The following USP25 variants were observed in gnomAD, a reference collection of about 807,000 sequenced individuals.
The protein encoded by USP25 is ubiquitin carboxyl-terminal hydrolase 25.
A neutral mutation model predicts 158.5 loss-of-function variants in USP25; 85 were observed. The observed-to-expected ratio is 0.54, with a 90% CI of 0.45 to 0.64. The LOEUF (loss-of-function observed/expected upper bound fraction) is 0.64. Ranked by LOEUF, USP25 falls within the 30% of genes least tolerant of loss-of-function variation. The pLI is 0.00. For synonymous variants in USP25, 464 were observed against 460.4 expected (o/e 1.01, Z -0.10); for missense variants, 1,242 against 1,327.3 (o/e 0.94, Z 1.00).
intron 3 of USP25, among the ~76,000 whole-genome samples, chr21:15,769,682 A>G (rs2034240451): frequency 6.6e-6 from 1 of 152,148 alleles, no homozygotes; most frequent in African/African-American, 2.4e-5. Flanking sequence ...AAACTCTGTC[A>G]TAGACATGAC....
chr21:15,842,646 G>A (rs1235093106), intron 18 of USP25, 106 bp downstream of exon 18: 8 of 1,400,142 alleles, frequency 5.7e-6, no homozygotes, highest in Non-Finnish European at 7.7e-6. Context: ...GGGGCCCAGT[G>A]ATGGCTCTGC....
At position 15,822,887 on chromosome 21, in the gene USP25, A is replaced by G. The variant is rs959240719; in HGVS notation, c.1081-1152A>G. ...AATTCCTTAAACTTTAGCTTTCAGT[A>G]AAAGATAACCATCCAGCTCAGGAAA... On this transcript the variant is annotated intron_variant, in intron 10 of 25. Coordinates refer to ENST00000400183, the MANE Select transcript of USP25 (RefSeq NM_001283041.3). 2.0e-5 allele frequency among the ~76,000 whole-genome samples: 3 copies of G among 152,050 alleles called. No homozygotes were observed. The East Asian group carries it at 5.8e-4, about 29-fold the overall frequency.
chr21:15,840,389 CT>C (rs1286423566), intron 17 of USP25, among the ~76,000 whole-genome samples: 1 of 152,048 alleles, frequency 6.6e-6, no homozygotes, highest in African/African-American at 2.4e-5. Context: ...AGTATGTAAT[CT>C]TTTTTGTTTT....
At chr21:15,799,651 A>G (rs1442097650) in intron 5 of USP25, 106 bp from the exon 6 acceptor site, 8 of 622,442 alleles carry the variant, frequency 1.3e-5, no homozygotes, top group South Asian at 3.0e-5. Context: ...GATTCTGAGT[A>G]TAAGTAGTAC....
intron 1 of USP25, among the ~76,000 whole-genome samples, chr21:15,731,685 T>C (rs2030923001): frequency 6.6e-6 from 1 of 152,236 alleles, no homozygotes; most frequent in Admixed American, 6.5e-5. Context: ...TTAGTTGATA[T>C]TATTGGTAAA....
intron 1 of USP25, among the ~76,000 whole-genome samples, chr21:15,751,115 G>C (rs935818697): frequency 6.6e-6 from 1 of 152,186 alleles, no homozygotes; most frequent in East Asian, 1.9e-4. Flanking sequence ...TCTAAAGTAA[G>C]AAATGAATTT....
At chr21:15,741,230 A>G (rs996301053) in intron 1 of USP25, among the ~76,000 whole-genome samples, 3 of 150,530 alleles carry the variant, frequency 2.0e-5, no homozygotes, top group Admixed American at 6.6e-5. Context: ...TCTTTTTACT[A>G]TGGAGTAATA....
In USP25 at chr21:15,765,996, G is replaced by A. The variant is rs2034018325; in HGVS notation, c.124-1G>A. The A allele has an allele frequency of 6.3e-7, 1 of 1,599,016 alleles. No individual in the cohort carries two copies. Among genetic ancestry groups the A allele is most frequent in the East Asian group, 2.2e-5 (1 of 44,518 alleles). ...TGATACTCCTTTCTTGATATTTGAA[G>A]GATAGTAATGGAAACTTGGAATTAG... is the stretch of plus-strand genomic sequence containing the variant. On this transcript the variant is annotated splice_acceptor_variant, in intron 2 of 25. Coordinates refer to ENST00000400183, the MANE Select transcript of USP25 (RefSeq NM_001283041.3). LOFTEE classifies it high-confidence loss of function.
chr21:15,785,691 T>A (rs937186470), intron 4 of USP25, among the ~76,000 whole-genome samples: 7 of 152,152 alleles, frequency 4.6e-5, no homozygotes, highest in Admixed American at 4.6e-4. Context: ...TGGCAATAAA[T>A]GCCTGCATCA....
chr21:15,825,135 A>C, intron 12 of USP25, 74 bp downstream of exon 12: 1 of 1,170,664 alleles, frequency 8.5e-7, no homozygotes, highest in African/African-American at 1.6e-5. Context: ...TTTAATTTCA[A>C]ATTTGCTTTG....
Position 15,878,621 on chromosome 21 carries a change from T to A in USP25, c.*146T>A. 2 of 824,716 alleles carry A rather than the reference T, an allele frequency of 2.4e-6. No homozygotes were observed. Among genetic ancestry groups the A allele is most frequent in the Non-Finnish European group, 3.4e-6 (2 of 579,918 alleles). The allele number at this position is 824,716 out of a possible 1,614,324, so 51.1% of individuals were successfully genotyped here. A position where few individuals can be genotyped will look rare whatever the true frequency, so the allele number is the denominator to read the frequency against. Reference sequence around the variant, plus strand: ...CAAAAGACAAAATGACTATACAGACTTTAGTCAGACTGCAGACAATAAAGC... The same window carrying A: ...CAAAAGACAAAATGACTATACAGACATTAGTCAGACTGCAGACAATAAAGC... On this transcript the variant is annotated 3_prime_UTR_variant, in exon 26 of 26. Transcript: ENST00000400183.
Position 15,824,863 on chromosome 21 carries a change from G to A in USP25, c.1209-103G>A, listed in dbSNP as rs1056940671. 1.3e-5 allele frequency: 11 copies of A among 864,722 alleles called. No individual in the cohort carries two copies. In the East Asian group the frequency reaches 2.2e-4, roughly 18 times the overall value. The allele number at this position is 864,722 out of a possible 1,614,324, so 53.6% of individuals were successfully genotyped here. On this transcript the variant is annotated intron_variant, in intron 11 of 25. Transcript: ENST00000400183. ...ACTCCTGACCTCAGGTGATCCTCCCGCCTTGGCGTCCCAGAGTGGTAGGCC... is the reference window on the plus strand; with the variant it reads ...ACTCCTGACCTCAGGTGATCCTCCCACCTTGGCGTCCCAGAGTGGTAGGCC...
At chr21:15,848,991 C>CA (rs141332760) in intron 19 of USP25, among the ~76,000 whole-genome samples, 7,009 of 144,934 alleles carry the variant, frequency 0.048, 216 homozygotes, top group South Asian at 0.087. Context: ...ATTATGAAAA[C>CA]AAAAAAAATG....
chr21:15,823,670 T>C, intron 10 of USP25, among the ~76,000 whole-genome samples: 1 of 152,124 alleles, frequency 6.6e-6, no homozygotes, highest in East Asian at 1.9e-4. Context: ...ATGCTTTGGT[T>C]AAGTATAAGT....
intron 5 of USP25, among the ~76,000 whole-genome samples, chr21:15,793,422 TTAGCTTTTC>T (rs139938720): frequency 0.2 from 30,013 of 150,814 alleles, 4,647 homozygotes; most frequent in African/African-American, 0.44. Flanking sequence ...TTTGCTAATC[TTAGCTTTTC>T]TAGCTTTTCT....
intron 1 of USP25, among the ~76,000 whole-genome samples, chr21:15,736,364 C>T (rs1300293398): frequency 1.3e-5 from 2 of 152,152 alleles, no homozygotes; most frequent in Non-Finnish European, 2.9e-5. Context: ...TCCCGAAGTA[C>T]TGGGCAGTTT....
intron 1 of USP25, 36 bp downstream of exon 1, chr21:15,730,474 T>C: frequency 1.5e-6 from 2 of 1,327,428 alleles, no homozygotes; most frequent in Non-Finnish European, 9.7e-7. Flanking sequence ...GCCCCACTTC[T>C]CCTTCCGACG....
intron 6 of USP25, among the ~76,000 whole-genome samples, chr21:15,800,070 T>G (rs1222999503): frequency 6.6e-6 from 1 of 151,246 alleles, no homozygotes; most frequent in East Asian, 1.9e-4. Context: ...TGGTGTCGCT[T>G]TAGTAATTTT....
chr21:15,780,595 G>T (rs2034909703), intron 4 of USP25, among the ~76,000 whole-genome samples: 1 of 152,168 alleles, frequency 6.6e-6, no homozygotes, highest in Admixed American at 6.5e-5. Context: ...ACAATTTCAA[G>T]AAGTAGTAGA....
Sources: gnomAD v4.1 joint callset for allele counts (sites outside exome capture counted in the v4.1 genomes callset) on GRCh38, gnomAD v4.1.1 for gene constraint, MANE v1.5 for transcripts, NCBI Gene and HGNC (gene_info 2026-07-23, HGNC 2026-07-21) for gene names.